DNAH9: variants seen among roughly 807,000 people sequenced by gnomAD.
The protein encoded by DNAH9 is DNAH9 variant protein.
DNAH9 carries 345 observed loss-of-function variants against 471.6 expected under a neutral mutation model. The ratio of observed to expected loss-of-function variants is 0.73; its 90% confidence interval spans 0.67 to 0.80. DNAH9 has a LOEUF of 0.80. Among genes scored for constraint, DNAH9 ranks in the 30% least tolerant of loss-of-function variants. The pLI is 0.00. For missense variants in DNAH9, 5,407 were observed against 5,609.2 expected (o/e 0.96, Z 1.15); for synonymous variants, 2,093 against 2,123.6 (o/e 0.99, Z 0.40).
At chr17:11,926,921 T>G (rs1004833439) in intron 62 of DNAH9, among the ~76,000 whole-genome samples, 1 of 152,320 alleles carries the variant, frequency 6.6e-6, no homozygotes, top group South Asian at 2.1e-4. Flanking sequence ...CAGCATCTGT[T>G]GTTTCTTGAC....
At chr17:11,967,917 CAAG>C (rs760067587) in intron 68 of DNAH9, among the ~76,000 whole-genome samples, 1 of 152,094 alleles carries the variant, frequency 6.6e-6, no homozygotes, top group Non-Finnish European at 1.5e-5. Context: ...ATCAACCCAT[CAAG>C]AAGATACAAT....
chr17:11,844,551 G>C (rs529456532), intron 49 of DNAH9, among the ~76,000 whole-genome samples: 1 of 151,906 alleles, frequency 6.6e-6, no homozygotes, highest in Non-Finnish European at 1.5e-5. Flanking sequence ...GATTGCAGGC[G>C]CACACCACCA....
intron 2 of DNAH9, among the ~76,000 whole-genome samples, chr17:11,609,659 C>A (rs986214175): frequency 6.6e-6 from 1 of 152,150 alleles, no homozygotes; most frequent in South Asian, 2.1e-4. Context: ...TTGCACCTAT[C>A]ATTTTCAGTT....
intron 28 of DNAH9, among the ~76,000 whole-genome samples, chr17:11,737,095 T>G (rs1261835777): frequency 1.3e-5 from 2 of 152,222 alleles, no homozygotes; most frequent in Non-Finnish European, 2.9e-5. Flanking sequence ...TTGATCTGTT[T>G]GGCCAGCGTC....
intron 49 of DNAH9, among the ~76,000 whole-genome samples, chr17:11,843,724 A>G (rs985452597): frequency 4.6e-5 from 7 of 151,102 alleles, no homozygotes; most frequent in Non-Finnish European, 8.9e-5. Flanking sequence ...ATTTTAAATC[A>G]TATTTGCAAA....
chr17:11,881,423 G>A lies in DNAH9; in HGVS notation c.10806+10G>A, dbSNP rs1597784422. ...CTTGGAGCAGCTGAAGGTGAGGACA[G>A]AAGGGAGAAAATGTTCTGCCACTAG... On this transcript the variant is annotated intron_variant, in intron 55 of 68. Coordinates refer to ENST00000262442, the MANE Select transcript of DNAH9 (RefSeq NM_001372.4). 4 of 1,605,716 alleles carry A rather than the reference G, an allele frequency of 2.5e-6. No individual in the cohort carries two copies. Among genetic ancestry groups the A allele is most frequent in the East Asian group, 4.5e-5 (2 of 44,640 alleles).
chr17:11,709,172 G>A (rs556388537), intron 26 of DNAH9, among the ~76,000 whole-genome samples: 22 of 152,226 alleles, frequency 1.4e-4, no homozygotes, highest in Non-Finnish European at 2.5e-4. Flanking sequence ...GTAAAGTTTC[G>A]ACAATGCATT....
Position 11,807,764 on chromosome 17 carries a change from G to A in DNAH9, c.8453G>A (p.Arg2818Gln), listed in dbSNP as rs373282033. The change falls in exon 44 of 69, where the codon CGG becomes CAG. Residue 2818 changes from arginine (R) to glutamine (Q), a missense_variant. Transcript: ENST00000262442. Reference protein sequence around the residue: ...CHINRILESPRGNALLVGVGG... With the variant: ...CHINRILESPQGNALLVGVGG... ...ATCAATCGCATCTTGGAGTCCCCGC[G>A]GGGAAATGCTCTGCTGGTTGGTGTA... 3.8e-5 allele frequency: 62 copies of A among 1,612,636 alleles called. No individual in the cohort carries two copies. The highest frequency in any genetic ancestry group is 3.3e-4 in the Middle Eastern group (2 of 6,050).
chr17:11,759,191 G>A (rs151070971), intron 35 of DNAH9, among the ~76,000 whole-genome samples: 1 of 151,310 alleles, frequency 6.6e-6, no homozygotes, highest in East Asian at 2.0e-4. Flanking sequence ...ATGGCATAGT[G>A]GTGAAGTCTG....
chr17:11,891,405 G>A (rs527252726), intron 57 of DNAH9, among the ~76,000 whole-genome samples: 97 of 152,044 alleles, frequency 6.4e-4, no homozygotes, highest in South Asian at 4.8e-3. Context: ...CCACTCTGTC[G>A]CCCAGCCTGG....
At chr17:11,625,552 T>C (rs1287653612) in intron 6 of DNAH9, among the ~76,000 whole-genome samples, 1 of 152,224 alleles carries the variant, frequency 6.6e-6, no homozygotes, top group Non-Finnish European at 1.5e-5. Flanking sequence ...CTTTGTGCTC[T>C]CCCTTAATGA....
At position 11,619,790 on chromosome 17, in the gene DNAH9, G is replaced by A. The variant is rs367768600; in HGVS notation, c.1350+9G>A. On this transcript the variant is annotated intron_variant, in intron 6 of 68. Transcript: ENST00000262442. ...AACTGCACGTGGTGGAGGTGAGTGC[G>A]CACCTCACCTCAGGCTGCCAGCCCC... is the stretch of plus-strand genomic sequence containing the variant. 312 of 1,489,334 alleles carry A rather than the reference G, an allele frequency of 2.1e-4. No homozygotes were observed. The highest frequency in any genetic ancestry group is 3.4e-4 in the Middle Eastern group (2 of 5,868). 92.3% of individuals were successfully genotyped at this position (1,489,334 alleles called of 1,614,324 possible).
At chr17:11,693,833 G>C in intron 20 of DNAH9, 35 bp from the exon 21 acceptor site, 1 of 1,613,526 alleles carries the variant, frequency 6.2e-7, no homozygotes, top group East Asian at 2.2e-5. Flanking sequence ...ACTGAGTGGA[G>C]TGGTGGTTAA....
intron 61 of DNAH9, among the ~76,000 whole-genome samples, chr17:11,913,609 C>T (rs923072608): frequency 6.6e-6 from 1 of 151,928 alleles, no homozygotes; most frequent in Non-Finnish European, 1.5e-5. Flanking sequence ...AGTGAAACCC[C>T]ATCTCTACTA....
intron 2 of DNAH9, among the ~76,000 whole-genome samples, chr17:11,608,858 AG>A (rs1295773756): frequency 1.3e-5 from 2 of 151,914 alleles, no homozygotes; most frequent in Non-Finnish European, 2.9e-5. Context: ...CTTTGTTGGG[AG>A]TTCATGCCTC....
At chr17:11,911,049 C>T (rs1458731342) in intron 61 of DNAH9, among the ~76,000 whole-genome samples, 1 of 151,960 alleles carries the variant, frequency 6.6e-6, no homozygotes, top group Non-Finnish European at 1.5e-5. Flanking sequence ...TGTTAAAATA[C>T]AATTTATCTA....
At chr17:11,898,817 T>C (rs1040280628) in intron 59 of DNAH9, among the ~76,000 whole-genome samples, 2 of 152,238 alleles carry the variant, frequency 1.3e-5, no homozygotes, top group African/African-American at 4.8e-5. Context: ...ACTTTCATTT[T>C]ACAAAGCTCA....
intron 49 of DNAH9, among the ~76,000 whole-genome samples, chr17:11,837,093 T>C (rs1051635418): frequency 1.3e-5 from 2 of 152,222 alleles, no homozygotes; most frequent in Non-Finnish European, 2.9e-5. Context: ...GTGGTGGTGA[T>C]GTTGTCATAA....
At chr17:11,604,397 A>C (rs1033303375) in intron 1 of DNAH9, among the ~76,000 whole-genome samples, 1 of 150,048 alleles carries the variant, frequency 6.7e-6, no homozygotes, top group African/African-American at 2.5e-5. Flanking sequence ...ATATACACCC[A>C]TTTTCTTGGG....
Sources: gnomAD v4.1 joint callset for allele counts (sites outside exome capture counted in the v4.1 genomes callset) on GRCh38, gnomAD v4.1.1 for gene constraint, MANE v1.5 for transcripts, NCBI Gene and HGNC (gene_info 2026-07-23, HGNC 2026-07-21) for gene names.